PCDH15: variants seen among roughly 807,000 people sequenced by gnomAD.
PCDH15 encodes protocadherin related 15.
A neutral mutation model predicts 178.5 loss-of-function variants in PCDH15; 129 were observed. The ratio of observed to expected loss-of-function variants is 0.72; its 90% confidence interval spans 0.63 to 0.84. The LOEUF (loss-of-function observed/expected upper bound fraction) is 0.84. Ranked by LOEUF, PCDH15 falls within the 40% of genes least tolerant of loss-of-function variation. PCDH15 has a pLI of 0.00. For synonymous variants in PCDH15, 800 were observed against 732.0 expected, an observed-to-expected ratio of 1.09 and a Z score of -1.50; for missense variants, 2,230 against 2,099.9, an observed-to-expected ratio of 1.06 and a Z score of -1.21.
intron 1 of PCDH15, among the ~76,000 whole-genome samples, chr10:55,222,730 C>CACACACATATATAT: frequency 2.5e-5 from 3 of 121,274 alleles, no homozygotes; most frequent in East Asian, 2.4e-4. Context: ...CACACACACA[C>CACACACATATATAT]ATATATATAT....
At chr10:55,414,521 T>C (rs538924768) in intron 2 of PCDH15, among the ~76,000 whole-genome samples, 1 of 151,810 alleles carries the variant, frequency 6.6e-6, no homozygotes, top group East Asian at 1.9e-4. Flanking sequence ...GAACACAGAA[T>C]ACGTTTTTAC....
At chr10:54,519,778 A>G (rs1363741969) in intron 3 of PCDH15, among the ~76,000 whole-genome samples, 1 of 152,150 alleles carries the variant, frequency 6.6e-6, no homozygotes, top group Non-Finnish European at 1.5e-5. Flanking sequence ...CAAAACAACA[A>G]AGCTGGAGGC....
At chr10:54,319,083 A>G (rs1032736222) in intron 7 of PCDH15, among the ~76,000 whole-genome samples, 4 of 152,206 alleles carry the variant, frequency 2.6e-5, no homozygotes, top group African/African-American at 9.6e-5. Flanking sequence ...TCCATTGTCA[A>G]GGGTGGTGGT....
At chr10:54,509,371 C>T (rs2081444085) in intron 3 of PCDH15, among the ~76,000 whole-genome samples, 1 of 152,062 alleles carries the variant, frequency 6.6e-6, no homozygotes, top group Non-Finnish European at 1.5e-5. Context: ...CATTTTCTCT[C>T]TTGTCTGCCA....
At chr10:54,630,411 G>C (rs1363355914) in intron 2 of PCDH15, among the ~76,000 whole-genome samples, 1 of 152,150 alleles carries the variant, frequency 6.6e-6, no homozygotes, top group African/African-American at 2.4e-5. Flanking sequence ...TAGCAATGGA[G>C]AAAGGACTTT....
Position 54,763,486 on chromosome 10 carries a change from T to G in PCDH15, c.-29+37439A>C, listed in dbSNP as rs184319027. On this transcript the variant is annotated intron_variant, in intron 1 of 37. Transcript: ENST00000644397. ...AGTAATCATGGAACTGTGTGGAGTTTATTTGGTTAATGGGACCAAACATAC... is the reference window on the plus strand; with the variant it reads ...AGTAATCATGGAACTGTGTGGAGTTGATTTGGTTAATGGGACCAAACATAC... 1.3e-3 allele frequency among the ~76,000 whole-genome samples: 203 copies of G among 152,192 alleles called. 3 individuals carry two copies. Among genetic ancestry groups the G allele is most frequent in the African/African-American group, 4.8e-3 (198 of 41,508 alleles).
At chr10:55,016,097 TTA>T (rs1491128374) in intron 2 of PCDH15, among the ~76,000 whole-genome samples, 99 of 57,044 alleles carry the variant, frequency 1.7e-3, no homozygotes, top group African/African-American at 0.012. Flanking sequence ...CCTTTTTTTT[TTA>T]AAAAAAAAAA....
chr10:54,158,949 T>A (rs1455385341), intron 13 of PCDH15, among the ~76,000 whole-genome samples: 1 of 151,870 alleles, frequency 6.6e-6, no homozygotes, highest in Non-Finnish European at 1.5e-5. Context: ...CTACTAAAAA[T>A]ACAAAAATAT....
At chr10:55,357,882 A>G (rs1845119953) in intron 2 of PCDH15, among the ~76,000 whole-genome samples, 1 of 152,100 alleles carries the variant, frequency 6.6e-6, no homozygotes, top group Non-Finnish European at 1.5e-5. Context: ...GATAAATAAA[A>G]TGAATTATAT....
At chr10:54,220,216 T>G (rs2052625083) in intron 9 of PCDH15, among the ~76,000 whole-genome samples, 1 of 152,226 alleles carries the variant, frequency 6.6e-6, no homozygotes, top group Non-Finnish European at 1.5e-5. Flanking sequence ...TACTAGCTGT[T>G]AACTAGTTAC....
chr10:55,451,970 T>C (rs1191257520), intron 2 of PCDH15, among the ~76,000 whole-genome samples: 3 of 152,196 alleles, frequency 2.0e-5, no homozygotes, highest in African/African-American at 7.2e-5. Context: ...TGCAGTTATA[T>C]CTGAATAGTT....
intron 2 of PCDH15, among the ~76,000 whole-genome samples, chr10:54,536,115 A>G (rs2084491022): frequency 6.6e-6 from 1 of 152,234 alleles, no homozygotes; most frequent in African/African-American, 2.4e-5. Context: ...AAGAGGCCAT[A>G]TAATGTTGTG....
intron 15 of PCDH15, among the ~76,000 whole-genome samples, chr10:54,113,459 G>C (rs549718265): frequency 2.6e-5 from 4 of 152,210 alleles, no homozygotes; most frequent in African/African-American, 9.6e-5. Context: ...CAGTGTGAAT[G>C]TGCTCTGGGC....
At chr10:55,414,055 T>C (rs1293216022) in intron 2 of PCDH15, among the ~76,000 whole-genome samples, 2 of 151,638 alleles carry the variant, frequency 1.3e-5, no homozygotes, top group African/African-American at 4.8e-5. Flanking sequence ...TCCCTAATAA[T>C]ATATTTTAAA....
At chr10:54,594,635 G>A (rs1045968680) in intron 2 of PCDH15, among the ~76,000 whole-genome samples, 30 of 152,224 alleles carry the variant, frequency 2.0e-4, no homozygotes, top group African/African-American at 5.3e-4. Context: ...GCAGGCACTC[G>A]CTGCCAGCGA....
At position 54,600,832 on chromosome 10, in the gene PCDH15, T is replaced by A. The variant is rs1047162332; in HGVS notation, c.91+63340A>T. ...ATGAGGAGACTGCATGCAAGCTCAG[T>A]GTGCTCCCCCCTCAGTCTTTGGGGG... On this transcript the variant is annotated intron_variant, in intron 2 of 37. Coordinates refer to ENST00000644397, the MANE Select transcript of PCDH15 (RefSeq NM_001384140.1). The A allele has an allele frequency of 1.9e-5, 7 of 366,310 alleles. No homozygotes were observed. In the Admixed American group the frequency reaches 2.7e-4, roughly 14 times the overall value. 22.7% of individuals were successfully genotyped at this position (366,310 alleles called of 1,614,324 possible).
Position 53,983,764 on chromosome 10 carries a change from T to C in PCDH15, c.2868+11885A>G, listed in dbSNP as rs560269425. 4.9e-4 allele frequency among the ~76,000 whole-genome samples: 75 copies of C among 152,296 alleles called. No homozygotes were observed. The South Asian group carries it at 0.015, about 31-fold the overall frequency. Reference sequence around the variant, plus strand: ...TTGGCACACCGTCAGACTTTCCTAATACAAAAAATTCATGTAGCCAAAGGA... The same window carrying C: ...TTGGCACACCGTCAGACTTTCCTAACACAAAAAATTCATGTAGCCAAAGGA... On this transcript the variant is annotated intron_variant, in intron 21 of 37. Coordinates refer to ENST00000644397, the MANE Select transcript of PCDH15 (RefSeq NM_001384140.1).
intron 2 of PCDH15, among the ~76,000 whole-genome samples, chr10:55,576,900 C>T (rs1046206516): frequency 1.3e-5 from 2 of 152,088 alleles, no homozygotes; most frequent in Non-Finnish European, 2.9e-5. Flanking sequence ...TATGTGGGTA[C>T]ATGCTTTGAA....
At chr10:54,901,135 A>AC (rs1240042547) in intron 2 of PCDH15, among the ~76,000 whole-genome samples, 1 of 151,754 alleles carries the variant, frequency 6.6e-6, no homozygotes, top group Non-Finnish European at 1.5e-5. Flanking sequence ...ACAAAGTAAG[A>AC]CCCCCCTCCA....
Sources: allele counts gnomAD v4.1 joint callset (sites outside exome capture counted in the v4.1 genomes callset), GRCh38; gene constraint gnomAD v4.1.1; transcripts MANE v1.5; gene names NCBI Gene and HGNC (gene_info 2026-07-23, HGNC 2026-07-21).